The following TMPRSS2 variants were observed in gnomAD, a reference collection of about 807,000 sequenced individuals.
TMPRSS2 encodes the protein transmembrane serine protease 2.
A neutral mutation model predicts 67.4 loss-of-function variants in TMPRSS2; 59 were observed. That is an observed-to-expected ratio of 0.88 (90% CI 0.71 to 1.09). The LOEUF (loss-of-function observed/expected upper bound fraction) is 1.09. Ranked by LOEUF, TMPRSS2 falls within the 50% of genes least tolerant of loss-of-function variation. The pLI, the probability that TMPRSS2 is intolerant of heterozygous loss-of-function variation, is 0.00. For synonymous variants in TMPRSS2, 257 were observed against 257.0 expected (o/e 1.00, Z 0.00); for missense variants, 668 against 642.7 (o/e 1.04, Z -0.43).
At chr21:41,488,842 TG>T (rs2091315927) in intron 4 of TMPRSS2, among the ~76,000 whole-genome samples, 1 of 152,214 alleles carries the variant, frequency 6.6e-6, no homozygotes, top group South Asian at 2.1e-4. Flanking sequence ...TTCAACATGT[TG>T]GCCAGGCTTG....
intron 1 of TMPRSS2, among the ~76,000 whole-genome samples, chr21:41,499,190 T>C (rs1283238384): frequency 3.9e-5 from 6 of 152,242 alleles, no homozygotes; most frequent in Non-Finnish European, 5.9e-5. Context: ...CCAACCATTT[T>C]GACCACTGCT....
chr21:41,485,340 A>T (rs1309539476), intron 5 of TMPRSS2, among the ~76,000 whole-genome samples: 2 of 152,152 alleles, frequency 1.3e-5, no homozygotes, highest in Non-Finnish European at 2.9e-5. Context: ...ACATGTGCAC[A>T]TAGGAGAACA....
rs1296138591 is a variant in TMPRSS2, at chr21:41,501,937, T to A, written c.-56-3748A>T. On this transcript the variant is annotated intron_variant, in intron 1 of 13. Coordinates refer to ENST00000332149, the MANE Select transcript of TMPRSS2 (RefSeq NM_005656.4). ...CTCAATTCTGGAAAGCCAGCCACCA[T>A]GAGCACTTGGGGAAATTTTCCTTTA... is the stretch of plus-strand genomic sequence containing the variant. 2.0e-5 allele frequency among the ~76,000 whole-genome samples: 3 copies of A among 152,252 alleles called. No homozygotes were observed. The East Asian group carries it at 5.8e-4, about 29-fold the overall frequency.
intron 13 of TMPRSS2, among the ~76,000 whole-genome samples, chr21:41,467,275 G>A (rs1419641157): frequency 6.6e-6 from 1 of 152,032 alleles, no homozygotes; most frequent in African/African-American, 2.4e-5. Flanking sequence ...TGTAGTCCCA[G>A]CTACTTGGGA....
chr21:41,470,200 A>C (rs780900068), intron 11 of TMPRSS2, among the ~76,000 whole-genome samples: 1 of 152,126 alleles, frequency 6.6e-6, no homozygotes, highest in Non-Finnish European at 1.5e-5. Flanking sequence ...TTGCAAAGGA[A>C]GTGGGTGGAG....
intron 6 of TMPRSS2, among the ~76,000 whole-genome samples, 195 bp from the exon 7 acceptor site, chr21:41,479,477 A>AAT (rs2091240462): frequency 6.6e-6 from 1 of 152,238 alleles, no homozygotes; most frequent in South Asian, 2.1e-4. Context: ...CTAAAGTGTC[A>AAT]GACAAAATTC....
At chr21:41,502,353 G>T in intron 1 of TMPRSS2, 1 of 980,866 alleles carries the variant, frequency 1.0e-6, no homozygotes, top group Non-Finnish European at 1.2e-6. Flanking sequence ...GGTATTCTCT[G>T]CAATGAAGTC....
At chr21:41,466,528 AG>A (rs1254235887) in intron 13 of TMPRSS2, among the ~76,000 whole-genome samples, 1 of 152,180 alleles carries the variant, frequency 6.6e-6, no homozygotes, top group Non-Finnish European at 1.5e-5. Flanking sequence ...TCCGCCCCTC[AG>A]CCTGGCTGAC....
rs2146521413 is a variant in TMPRSS2, at chr21:41,508,088, G to GC, written c.-65dup. On this transcript the variant is annotated 5_prime_UTR_variant, in exon 1 of 14. Coordinates refer to ENST00000332149, the MANE Select transcript of TMPRSS2 (RefSeq NM_005656.4). ...GGTACCGGCGCCGCTCACCTGCCGC[G>GC]CTCCAGGCGGCGCTCCCCGCCCCTC... 8.1e-7 allele frequency: 1 copy of GC among 1,237,872 alleles called. No homozygotes were observed. Among genetic ancestry groups the GC allele is most frequent in the Non-Finnish European group, 1.0e-6 (1 of 971,188 alleles). 76.7% of individuals were successfully genotyped at this position (1,237,872 alleles called of 1,614,324 possible).
chr21:41,498,294 C>A (rs1239519295), intron 1 of TMPRSS2, 105 bp from the exon 2 acceptor site: 2 of 730,212 alleles, frequency 2.7e-6, no homozygotes, highest in Non-Finnish European at 4.5e-6. Context: ...TTACCTACAA[C>A]AAAGACCAGT....
intron 11 of TMPRSS2, among the ~76,000 whole-genome samples, chr21:41,470,276 T>C (rs2070786): frequency 0.31 from 47,089 of 151,916 alleles, 7,479 homozygotes; most frequent in Middle Eastern, 0.37. Context: ...GGGTCCAGGA[T>C]GCCCGTCCTC....
At chr21:41,468,663 G>T (rs2091104930) in intron 11 of TMPRSS2, 125 bp from the exon 12 acceptor site, 4 of 1,094,704 alleles carry the variant, frequency 3.7e-6, no homozygotes, top group Non-Finnish European at 5.2e-6. Flanking sequence ...TTCCAGCCCT[G>T]CCCCGGTCAG....
At chr21:41,475,817 G>A (rs1342921727) in intron 8 of TMPRSS2, among the ~76,000 whole-genome samples, 5 of 151,770 alleles carry the variant, frequency 3.3e-5, no homozygotes, top group Admixed American at 6.6e-5. Flanking sequence ...GGAGATGAGT[G>A]CATGGGCAGA....
At chr21:41,505,525 G>A (rs2091451851) in intron 1 of TMPRSS2, among the ~76,000 whole-genome samples, 1 of 152,148 alleles carries the variant, frequency 6.6e-6, no homozygotes, top group African/African-American at 2.4e-5. Flanking sequence ...GTCACTCAAT[G>A]CCCCCATGGC....
At position 41,470,152 on chromosome 21, in the gene TMPRSS2, C is replaced by T. The variant is rs189832305; in HGVS notation, c.1171+496G>A. On this transcript the variant is annotated intron_variant, in intron 11 of 13. Coordinates refer to ENST00000332149, the MANE Select transcript of TMPRSS2 (RefSeq NM_005656.4). The stretch of plus-strand genomic sequence containing the variant: ...CCTCCATAAAAATGAAGCAGCCAGG[C>T]TCCCTTCATTTGAAAGACTGTCAGA... 4.7e-4 allele frequency among the ~76,000 whole-genome samples: 71 copies of T among 152,328 alleles called. 1 individual carries two copies. The East Asian group carries it at 0.013, about 29-fold the overall frequency.
At position 41,470,662 on chromosome 21, in the gene TMPRSS2, GC is replaced by G. The variant is rs771443342; in HGVS notation, c.1156del (p.Ala386ProfsTer12). On this transcript the variant is annotated frameshift_variant, in exon 11 of 14. Coordinates refer to ENST00000332149, the MANE Select transcript of TMPRSS2 (RefSeq NM_005656.4). LOFTEE classifies it high-confidence loss of function. ...EQLCWISGWG[A>X]TEEKGKTSEV... ...AGCAGCCTCACCTTTCTCCTCGGTG[GC>G]CCCCCACCCGGAAATCCAGCAGAGC... The G allele has an allele frequency of 1.9e-6, 3 of 1,613,258 alleles. No homozygotes were observed. Among genetic ancestry groups the G allele is most frequent in the Non-Finnish European group, 1.7e-6 (2 of 1,179,890 alleles).
chr21:41,483,912 T>C (rs1318643037), intron 5 of TMPRSS2, among the ~76,000 whole-genome samples: 1 of 152,056 alleles, frequency 6.6e-6, no homozygotes, highest in Non-Finnish European at 1.5e-5. Flanking sequence ...GGAGGATCAC[T>C]TGAGCCCAGA....
chr21:41,494,657 C>G, intron 2 of TMPRSS2, 79 bp from the exon 3 acceptor site: 6 of 1,239,164 alleles, frequency 4.8e-6, no homozygotes, highest in Non-Finnish European at 7.1e-6. Context: ...TCACATCATA[C>G]CACAGCTATA....
Position 41,478,001 on chromosome 21 carries a change from C to T in TMPRSS2, c.683+1171G>A, listed in dbSNP as rs1005779774. Among the ~76,000 whole-genome samples the T allele has an allele frequency of 1.3e-5, 2 of 152,204 alleles. No homozygotes were observed. The highest frequency in any genetic ancestry group is 2.9e-5 in the Non-Finnish European group (2 of 68,044). On this transcript the variant is annotated intron_variant, in intron 7 of 13. Transcript: ENST00000332149. This position sits in a 1 kb window ranked among gnomAD's most constrained non-coding sequence, Gnocchi z 4.0. ...CTCTTGCCAAGGGACGGCAGCACCT[C>T]CTCCCCTCCCCCCGTCCCTGCCCGG... is the stretch of plus-strand genomic sequence containing the variant.
Sources: gnomAD v4.1 joint callset for allele counts (sites outside exome capture counted in the v4.1 genomes callset) on GRCh38, gnomAD v4.1.1 for gene constraint, Gnocchi (gnomAD v3.1) non-coding constraint, MANE v1.5 for transcripts, NCBI Gene and HGNC (gene_info 2026-07-23, HGNC 2026-07-21) for gene names.